The following ROCK1 variants were observed in gnomAD, a reference collection of about 807,000 sequenced individuals.
The protein encoded by ROCK1 is Rho associated coiled-coil containing protein kinase 1, also known as rho-associated protein kinase 1.
Under a neutral mutation model 196.8 loss-of-function variants are expected in ROCK1, and 36 were observed. That is an observed-to-expected ratio of 0.18 (90% CI 0.14 to 0.24). ROCK1 has a LOEUF of 0.24. ROCK1 is among the 10% of genes least tolerant of loss of function. ROCK1 has a pLI of 1.00. For missense variants in ROCK1, 920 were observed against 1,562.0 expected (o/e 0.59, Z 6.93); for synonymous variants, 443 against 515.9 (o/e 0.86, Z 1.91).
intron 4 of ROCK1, among the ~76,000 whole-genome samples, chr18:21,046,122 G>A (rs1248591104): frequency 6.6e-6 from 1 of 151,930 alleles, no homozygotes; most frequent in African/African-American, 2.4e-5. Context: ...GTGTTAGCCA[G>A]GATGGTCTCG....
At chr18:21,097,193 C>G (rs1227881968) in intron 1 of ROCK1, among the ~76,000 whole-genome samples, 1 of 152,130 alleles carries the variant, frequency 6.6e-6, no homozygotes, top group African/African-American at 2.4e-5. Flanking sequence ...TGACAAAAAG[C>G]ACCAAAGTTA....
At chr18:21,074,997 G>A (rs777797169) in intron 1 of ROCK1, among the ~76,000 whole-genome samples, 4 of 152,162 alleles carry the variant, frequency 2.6e-5, no homozygotes, top group African/African-American at 4.8e-5. Flanking sequence ...GACTGGGAAA[G>A]GTGAGAAGGA....
chr18:20,989,087 C>T (rs989584254), intron 18 of ROCK1, among the ~76,000 whole-genome samples: 1 of 152,084 alleles, frequency 6.6e-6, no homozygotes, highest in African/African-American at 2.4e-5. Flanking sequence ...TGAAAAGCCA[C>T]TAAAGGATTT....
rs1362586535 is a variant in ROCK1, at chr18:20,967,805, T to C, written c.3139A>G (p.Lys1047Glu). The change falls in exon 26 of 33, where the codon AAA (lysine) becomes GAA (glutamate). Residue 1047 changes from lysine to glutamate, a missense_variant. Around this residue, in one of 6 missense-constraint regions of ROCK1, gnomAD observed 116 missense variants for 204.2 expected, o/e 0.57. Transcript: ENST00000399799. ...LQLELNQERE[K>E]FNQMVVKHQK... is the part of the protein sequence containing the mutation. ...TGTTTCACTACCATCTGGTTGAATTTCTCTCTTTCTTGGTTGAGTTCCAGT... is the reference window on the plus strand; with the variant it reads ...TGTTTCACTACCATCTGGTTGAATTCCTCTCTTTCTTGGTTGAGTTCCAGT... 6.2e-7 allele frequency: 1 copy of C among 1,608,240 alleles called. No individual in the cohort carries two copies. Among genetic ancestry groups the C allele is most frequent in the South Asian group, 1.1e-5 (1 of 88,792 alleles).
chr18:21,020,217 ATTG>A lies in ROCK1; in HGVS notation c.1292_1294del (p.Thr431del). ...ATGCAGCTGTTCTTCCAGCTTATAG[ATTG>A]TTTTTTGCAAACTTTCCTGCTTTAA... On this transcript the variant is annotated inframe_deletion, in exon 12 of 33. Transcript: ENST00000399799. 3 of 1,592,304 alleles carry A rather than the reference ATTG, an allele frequency of 1.9e-6. No homozygotes were observed. Among genetic ancestry groups the A allele is most frequent in the Non-Finnish European group, 2.6e-6 (3 of 1,173,338 alleles).
intron 1 of ROCK1, among the ~76,000 whole-genome samples, chr18:21,083,942 T>C (rs1385256285): frequency 3.3e-5 from 5 of 151,928 alleles, no homozygotes; most frequent in African/African-American, 1.2e-4. Context: ...TGCAGAAAAA[T>C]GGAATGGCGG....
At chr18:21,020,356 CCT>C in intron 11 of ROCK1, 117 bp from the exon 12 acceptor site, 3 of 492,080 alleles carry the variant, frequency 6.1e-6, no homozygotes, top group Non-Finnish European at 6.9e-6. Context: ...TTTAATCTTA[CCT>C]CTTTCTATCT....
chr18:21,009,743 T>A (rs1388995974), intron 13 of ROCK1, among the ~76,000 whole-genome samples: 1 of 152,226 alleles, frequency 6.6e-6, no homozygotes, highest in Non-Finnish European at 1.5e-5. Flanking sequence ...AAACTTACTT[T>A]TTTTCATGGT....
chr18:21,098,119 G>A (rs2036626889), intron 1 of ROCK1, among the ~76,000 whole-genome samples: 2 of 152,320 alleles, frequency 1.3e-5, no homozygotes, highest in South Asian at 2.1e-4. Context: ...TCAATGTGAC[G>A]GTGTATGTGC....
chr18:20,959,108 T>TTAC (rs2035293439), intron 29 of ROCK1, among the ~76,000 whole-genome samples: 1 of 49,764 alleles, frequency 2.0e-5, no homozygotes, highest in Non-Finnish European at 3.0e-5. Flanking sequence ...ATATATTATA[T>TTAC]ATATATTATA....
chr18:21,095,050 C>CAAAAAAAA, intron 1 of ROCK1, among the ~76,000 whole-genome samples: 1 of 53,782 alleles, frequency 1.9e-5, no homozygotes, highest in Non-Finnish European at 4.2e-5. Context: ...AACTCTGTCT[C>CAAAAAAAA]AAAAAAAAAA....
intron 16 of ROCK1, among the ~76,000 whole-genome samples, chr18:20,995,860 A>G (rs1321569971): frequency 2.0e-5 from 3 of 152,184 alleles, no homozygotes; most frequent in Non-Finnish European, 4.4e-5. Context: ...GCCTCCTAAT[A>G]CAGATATGGC....
At chr18:20,999,331 A>G (rs1192698384) in intron 16 of ROCK1, among the ~76,000 whole-genome samples, 1 of 152,198 alleles carries the variant, frequency 6.6e-6, no homozygotes, top group African/African-American at 2.4e-5. Context: ...TGGGCAAGAT[A>G]TAAGAAGAAA....
intron 1 of ROCK1, among the ~76,000 whole-genome samples, chr18:21,104,393 C>T (rs1439397597): frequency 2.6e-5 from 4 of 152,014 alleles, no homozygotes; most frequent in African/African-American, 7.2e-5. Context: ...GCCAGGAGAT[C>T]GAGACCATCC....
At chr18:21,109,152 A>G (rs2036727691) in intron 1 of ROCK1, among the ~76,000 whole-genome samples, 1 of 152,226 alleles carries the variant, frequency 6.6e-6, no homozygotes, top group Admixed American at 6.5e-5. Flanking sequence ...TCTGGAATTT[A>G]TCACATTTTC....
chr18:21,102,127 T>G (rs1007559251), intron 1 of ROCK1, among the ~76,000 whole-genome samples: 2 of 152,222 alleles, frequency 1.3e-5, no homozygotes, highest in African/African-American at 4.8e-5. Flanking sequence ...ACTACAGTTT[T>G]CAAACTTGAG....
chr18:20,963,514 G>C (rs553779662), intron 27 of ROCK1, among the ~76,000 whole-genome samples: 1 of 151,970 alleles, frequency 6.6e-6, no homozygotes, highest in South Asian at 2.1e-4. Context: ...TCAAATATTG[G>C]GAAACACACC....
chr18:21,095,708 G>T (rs1428846101), intron 1 of ROCK1, among the ~76,000 whole-genome samples: 2 of 151,440 alleles, frequency 1.3e-5, no homozygotes, highest in Non-Finnish European at 2.9e-5. Context: ...GAAAGGGACT[G>T]GGGGGATAGT....
intron 1 of ROCK1, among the ~76,000 whole-genome samples, chr18:21,079,896 A>G (rs2036468563): frequency 6.6e-6 from 1 of 152,242 alleles, no homozygotes; most frequent in Non-Finnish European, 1.5e-5. Context: ...CGAAGAGGAT[A>G]GGAAGGCCAT....
Sources: gnomAD v4.1 joint callset for allele counts (sites outside exome capture counted in the v4.1 genomes callset) on GRCh38, gnomAD v4.1.1 for gene constraint, gnomAD v4.1.1 regional missense constraint, MANE v1.5 for transcripts, NCBI Gene and HGNC (gene_info 2026-07-23, HGNC 2026-07-21) for gene names.